The following SEMA5A variants were observed in gnomAD, a reference collection of about 807,000 sequenced individuals.
The protein encoded by SEMA5A is semaphorin-5A.
Under a neutral mutation model 135.5 loss-of-function variants are expected in SEMA5A, and 55 were observed. That is an observed-to-expected ratio of 0.41 (90% CI 0.33 to 0.51). The LOEUF (loss-of-function observed/expected upper bound fraction) is 0.51. Ranked by LOEUF, SEMA5A falls within the 20% of genes least tolerant of loss-of-function variation. SEMA5A has a pLI of 0.37. For synonymous variants in SEMA5A, 580 were observed against 546.5 expected (o/e 1.06, Z -0.85); for missense variants, 1,290 against 1,419.9 (o/e 0.91, Z 1.47).
chr5:9,448,179 C>G (rs1758502660), intron 1 of SEMA5A, among the ~76,000 whole-genome samples: 1 of 152,206 alleles, frequency 6.6e-6, no homozygotes, highest in Non-Finnish European at 1.5e-5. Context: ...TCTCCCCAAC[C>G]TTTCTGAGCT....
intron 5 of SEMA5A, among the ~76,000 whole-genome samples, chr5:9,279,973 C>G (rs1750458408): frequency 6.6e-6 from 1 of 152,176 alleles, no homozygotes; most frequent in Non-Finnish European, 1.5e-5. Context: ...ACCATTTTGT[C>G]ACTGGCTAAA....
chr5:9,304,000 T>G (rs1328443946), intron 5 of SEMA5A, among the ~76,000 whole-genome samples: 1 of 152,168 alleles, frequency 6.6e-6, no homozygotes, highest in Non-Finnish European at 1.5e-5. Flanking sequence ...GGAAAATTGA[T>G]TTTATCATGA....
At chr5:9,096,475 A>C (rs1057022558) in intron 16 of SEMA5A, among the ~76,000 whole-genome samples, 3 of 151,208 alleles carry the variant, frequency 2.0e-5, no homozygotes, top group African/African-American at 7.3e-5. Context: ...GGTTTATTTT[A>C]TTTAGCATAA....
rs560128204 is a variant in SEMA5A, at chr5:9,174,910, AC to A, written c.1273+15356del. Among the ~76,000 whole-genome samples, 6 of 152,338 alleles carry A rather than the reference AC, an allele frequency of 3.9e-5. No homozygotes were observed. In the South Asian group the frequency reaches 1.2e-3, roughly 32 times the overall value. On this transcript the variant is annotated intron_variant, in intron 11 of 22. Coordinates refer to ENST00000382496, the MANE Select transcript of SEMA5A (RefSeq NM_003966.3). ...CAGACCTTTGAAGGCGTAAGAGACG[AC>A]AGCTCTGTGGTGATCTGAGCTTGGA...
At chr5:9,534,447 C>A (rs1019239453) in intron 1 of SEMA5A, among the ~76,000 whole-genome samples, 1 of 152,148 alleles carries the variant, frequency 6.6e-6, no homozygotes, top group African/African-American at 2.4e-5. Context: ...CCATGTGTTA[C>A]CACCACTAAT....
chr5:9,416,287 T>A (rs1757281097), intron 2 of SEMA5A, among the ~76,000 whole-genome samples: 1 of 151,816 alleles, frequency 6.6e-6, no homozygotes, highest in Non-Finnish European at 1.5e-5. Context: ...ATTGGAGAGG[T>A]GGGAGGTCAG....
chr5:9,306,870 T>C (rs995098576), intron 5 of SEMA5A, among the ~76,000 whole-genome samples: 2 of 152,218 alleles, frequency 1.3e-5, no homozygotes, highest in African/African-American at 4.8e-5. Context: ...CAGAAACTAA[T>C]GGCTATGGTT....
chr5:9,225,384 TCTA>T, intron 7 of SEMA5A, among the ~76,000 whole-genome samples: 1 of 85,108 alleles, frequency 1.2e-5, no homozygotes, highest in Non-Finnish European at 2.1e-5. Context: ...AAACCCCATC[TCTA>T]CTAAAAAAAA....
At chr5:9,150,244 T>C (rs999143742) in intron 12 of SEMA5A, among the ~76,000 whole-genome samples, 1 of 152,236 alleles carries the variant, frequency 6.6e-6, no homozygotes, top group African/African-American at 2.4e-5. Flanking sequence ...TTACTCATGG[T>C]ACTCATAGCT....
chr5:9,066,463 G>A lies in SEMA5A; in HGVS notation c.2257C>T (p.Arg753Trp), dbSNP rs779691883. ...CTGGTGCCGTCGCTAGAACAGTACCGCATTTCGATTCTCTGTCTTCCCACT... is the reference window on the plus strand; with the variant it reads ...CTGGTGCCGTCGCTAGAACAGTACCACATTTCGATTCTCTGTCTTCCCACT... ...LEVGRQRIEM[R>W]YCSSDGTSGC... The change falls in exon 17 of 23, where the codon CGG (arginine) becomes TGG (tryptophan). Residue 753 changes from arginine to tryptophan, a missense_variant. Physicochemically the swap from Arg to Trp is moderately radical, Grantham distance 101. Transcript: ENST00000382496. 2.4e-5 allele frequency: 38 copies of A among 1,614,090 alleles called. No homozygotes were observed. The highest frequency in any genetic ancestry group is 2.3e-5 in the Non-Finnish European group (27 of 1,180,038).
intron 5 of SEMA5A, 82 bp downstream of exon 5, chr5:9,318,289 TA>T: frequency 7.4e-7 from 1 of 1,358,582 alleles, no homozygotes; most frequent in South Asian, 1.3e-5. Flanking sequence ...TTAACACCTT[TA>T]CATGCATCTG....
At chr5:9,425,987 T>G (rs374162705) in intron 2 of SEMA5A, among the ~76,000 whole-genome samples, 2 of 152,180 alleles carry the variant, frequency 1.3e-5, no homozygotes, top group African/African-American at 4.8e-5. Context: ...TATTAGAACC[T>G]GCATGCTTGT....
intron 22 of SEMA5A, among the ~76,000 whole-genome samples, chr5:9,043,999 G>A (rs1736101956): frequency 6.6e-6 from 1 of 152,166 alleles, no homozygotes; most frequent in Non-Finnish European, 1.5e-5. Context: ...GTTTCTGAGA[G>A]GCCAGGAGGG....
chr5:9,230,003 G>C (rs1747533006), intron 6 of SEMA5A, among the ~76,000 whole-genome samples: 1 of 152,054 alleles, frequency 6.6e-6, no homozygotes, highest in Admixed American at 6.5e-5. Context: ...TTTGTTTTTT[G>C]AGACAAGGGT....
At chr5:9,537,735 G>T (rs1361296017) in intron 1 of SEMA5A, among the ~76,000 whole-genome samples, 1 of 152,176 alleles carries the variant, frequency 6.6e-6, no homozygotes, top group Admixed American at 6.5e-5. Flanking sequence ...GACTTAAAAC[G>T]CTGTTGATCT....
At chr5:9,521,464 T>TA (rs1239326197) in intron 1 of SEMA5A, among the ~76,000 whole-genome samples, 17 of 150,288 alleles carry the variant, frequency 1.1e-4, no homozygotes, top group African/African-American at 3.2e-4. Flanking sequence ...TTTATCTTGT[T>TA]AAAAAAAGAT....
At chr5:9,404,323 G>C (rs1756790693) in intron 2 of SEMA5A, among the ~76,000 whole-genome samples, 1 of 152,090 alleles carries the variant, frequency 6.6e-6, no homozygotes, top group Admixed American at 6.6e-5. Flanking sequence ...CCAGAACCAT[G>C]GTGATACGCG....
intron 5 of SEMA5A, among the ~76,000 whole-genome samples, chr5:9,271,818 C>T (rs1749988673): frequency 6.6e-6 from 1 of 152,134 alleles, no homozygotes; most frequent in Admixed American, 6.5e-5. Flanking sequence ...GGGATTGTAC[C>T]ATGCACTCCG....
chr5:9,445,469 A>C (rs1175411473), intron 1 of SEMA5A, among the ~76,000 whole-genome samples: 3 of 152,026 alleles, frequency 2.0e-5, no homozygotes, highest in African/African-American at 7.2e-5. Flanking sequence ...GGAGATTGAG[A>C]CCATCCTGGC....
Sources: gnomAD v4.1 joint callset for allele counts (sites outside exome capture counted in the v4.1 genomes callset) on GRCh38, gnomAD v4.1.1 for gene constraint, MANE v1.5 for transcripts, NCBI Gene and HGNC (gene_info 2026-07-23, HGNC 2026-07-21) for gene names.